The following SNX25 variants were observed in gnomAD, a reference collection of about 807,000 sequenced individuals.
SNX25 encodes sorting nexin-25.
In SNX25, 62 loss-of-function variants were observed where a neutral mutation model predicts 113.7. The ratio of observed to expected loss-of-function variants is 0.55; its 90% CI spans 0.44 to 0.67. SNX25 has a LOEUF of 0.67. SNX25 is among the 30% of genes least tolerant of loss of function. SNX25 has a pLI of 0.00. For missense variants in SNX25, 1,014 were observed against 1,161.0 expected (o/e 0.87, Z 1.84); for synonymous variants, 421 against 436.2 (o/e 0.97, Z 0.43).
chr4:185,301,369 C>T lies in SNX25; in HGVS notation c.1163-9266C>T, dbSNP rs574456101. Among the ~76,000 whole-genome samples, 25 of 152,206 alleles carry T rather than the reference C, an allele frequency of 1.6e-4. No individual in the cohort carries two copies. The Middle Eastern group carries it at 0.01, about 62-fold the overall frequency. ...GCCTTGTGCATCTCTTCATCTGTATCGTTAGTCAGACTTTTTTTTTATTAC... is the reference window on the plus strand; with the variant it reads ...GCCTTGTGCATCTCTTCATCTGTATTGTTAGTCAGACTTTTTTTTTATTAC... On this transcript the variant is annotated intron_variant, in intron 6 of 18. Coordinates refer to ENST00000652585, the MANE Select transcript of SNX25 (RefSeq NM_001378034.2).
intron 1 of SNX25, among the ~76,000 whole-genome samples, chr4:185,236,716 T>C (rs1742703617): frequency 6.6e-6 from 1 of 152,226 alleles, no homozygotes. Flanking sequence ...TTTTAAAAAG[T>C]ATACAGATGA....
intron 5 of SNX25, among the ~76,000 whole-genome samples, chr4:185,268,927 A>T (rs965476200): frequency 6.6e-6 from 1 of 152,182 alleles, no homozygotes; most frequent in Admixed American, 6.5e-5. Flanking sequence ...GTTTACAAGG[A>T]ATTTAATTTT....
intron 3 of SNX25, among the ~76,000 whole-genome samples, chr4:185,263,461 A>G (rs75242204): frequency 0.015 from 2,323 of 152,234 alleles, 65 homozygotes; most frequent in African/African-American, 0.054. Flanking sequence ...ATTTCCTTTC[A>G]TGTTGCTGGC....
chr4:185,263,262 A>G (rs888825474), intron 3 of SNX25, among the ~76,000 whole-genome samples: 5 of 152,096 alleles, frequency 3.3e-5, no homozygotes, highest in Admixed American at 3.3e-4. Flanking sequence ...TCCAGTGCTT[A>G]TTAGCTAAAT....
intron 2 of SNX25, among the ~76,000 whole-genome samples, chr4:185,254,679 T>G (rs1481454998): frequency 6.6e-6 from 1 of 152,220 alleles, no homozygotes; most frequent in Non-Finnish European, 1.5e-5. Context: ...TAAATCCTGT[T>G]TTCAGGTTAA....
intron 1 of SNX25, among the ~76,000 whole-genome samples, chr4:185,239,368 A>T (rs915825369): frequency 6.6e-6 from 1 of 152,128 alleles, no homozygotes; most frequent in Non-Finnish European, 1.5e-5. Context: ...CTGTAGTCCC[A>T]GCTACTCGGG....
chr4:185,371,349 C>G (rs533535802), downstream of SNX25, among the ~76,000 whole-genome samples: 1 of 151,934 alleles, frequency 6.6e-6, no homozygotes, highest in Admixed American at 6.6e-5. Context: ...ACCATCCTGG[C>G]TAACATGGTG....
At chr4:185,370,567 A>C (rs2095411399), downstream of SNX25, 1 of 1,495,642 alleles carries the variant, frequency 6.7e-7, no homozygotes, top group Middle Eastern at 2.1e-4. Context: ...CTAATCCGTA[A>C]AACTATTCAA....
At position 185,363,583 on chromosome 4, in the gene SNX25, C is replaced by G. The variant is rs2095376256; in HGVS notation, c.*118C>G. ...ATTGATTTTTATTTTAGTTACCTCC[C>G]TCTAGTTTTATGTGAAATTAGTAGA... On this transcript the variant is annotated 3_prime_UTR_variant, in exon 19 of 19. Coordinates refer to ENST00000652585, the MANE Select transcript of SNX25 (RefSeq NM_001378034.2). This position sits in a 1 kb window ranked among gnomAD's most constrained non-coding sequence, Gnocchi z 4.2. The G allele has an allele frequency of 2.2e-6, 2 of 902,592 alleles. No homozygotes were observed. The highest frequency in any genetic ancestry group is 1.7e-6 in the Non-Finnish European group (1 of 587,734). 55.9% of individuals were successfully genotyped at this position (902,592 alleles called of 1,614,324 possible).
In SNX25 at chr4:185,362,032, C is replaced by T. The variant is rs368020318; in HGVS notation, c.2760C>T (p.Thr920=). The T allele has an allele frequency of 9.9e-5, 160 of 1,614,004 alleles. 3 individuals are homozygous for T. In the South Asian group the frequency reaches 1.5e-3, roughly 15 times the overall value. Residue 920 remains threonine (T), a synonymous_variant, in exon 17 of 19, where the codon ACC becomes ACT. Coordinates refer to ENST00000652585, the MANE Select transcript of SNX25 (RefSeq NM_001378034.2). Reference sequence around the variant, plus strand: ...CAAATGGGAAGTTGGCACCACCGACCACAATCAGAAGCAAAGAGCAAAGTC... The same window carrying T: ...CAAATGGGAAGTTGGCACCACCGACTACAATCAGAAGCAAAGAGCAAAGTC... ...FWPNGKLAPP[T]TIRSKEQSQE...
intron 16 of SNX25, among the ~76,000 whole-genome samples, chr4:185,361,713 G>C (rs911448398): frequency 1.3e-5 from 2 of 152,154 alleles, no homozygotes; most frequent in African/African-American, 4.8e-5. Flanking sequence ...ACCCCAGCCT[G>C]TGTGAAAAAG....
At chr4:185,326,841 C>T (rs191809135) in intron 9 of SNX25, among the ~76,000 whole-genome samples, 1 of 152,100 alleles carries the variant, frequency 6.6e-6, no homozygotes, top group African/African-American at 2.4e-5. Context: ...CCCTTTTTAA[C>T]CCTTTATAAT....
In SNX25 at chr4:185,363,277, A is replaced by G; in HGVS notation, c.2935-108A>G. Reference sequence around the variant, plus strand: ...GTTTGAGAGTTACTTGTTTACTGAGATAATTTCAGACCTAAAATTAGACTT... The same window carrying G: ...GTTTGAGAGTTACTTGTTTACTGAGGTAATTTCAGACCTAAAATTAGACTT... On this transcript the variant is annotated intron_variant, in intron 18 of 18. Coordinates refer to ENST00000652585, the MANE Select transcript of SNX25 (RefSeq NM_001378034.2). This position sits in a 1 kb window ranked among gnomAD's most constrained non-coding sequence, Gnocchi z 4.2. 1.1e-6 allele frequency: 1 copy of G among 938,148 alleles called. No homozygotes were observed. The highest frequency in any genetic ancestry group is 2.3e-5 in the Admixed American group (1 of 43,966). 58.1% of individuals were successfully genotyped at this position (938,148 alleles called of 1,614,324 possible).
At chr4:185,239,819 G>A (rs1257496232) in intron 1 of SNX25, among the ~76,000 whole-genome samples, 1 of 145,304 alleles carries the variant, frequency 6.9e-6, no homozygotes, top group Non-Finnish European at 1.5e-5. Context: ...TTCTCGCAGA[G>A]GGGGATTTGG....
intron 5 of SNX25, among the ~76,000 whole-genome samples, chr4:185,278,508 AATG>A (rs1412823687): frequency 6.6e-6 from 1 of 152,210 alleles, no homozygotes; most frequent in African/African-American, 2.4e-5. Flanking sequence ...GGAATGAATG[AATG>A]AATGAATGAA....
intron 3 of SNX25, among the ~76,000 whole-genome samples, chr4:185,264,153 C>T (rs1484514489): frequency 2.6e-5 from 4 of 152,128 alleles, no homozygotes; most frequent in Non-Finnish European, 5.9e-5. Context: ...AATAAATACT[C>T]GTACCTTTTT....
chr4:185,233,020 A>T (rs530287992), intron 1 of SNX25, among the ~76,000 whole-genome samples: 3 of 152,318 alleles, frequency 2.0e-5, no homozygotes, highest in African/African-American at 7.2e-5. Flanking sequence ...GTGGTAGCTC[A>T]CACCTGTTAT....
intron 1 of SNX25, among the ~76,000 whole-genome samples, chr4:185,226,369 C>A (rs928716238): frequency 6.6e-6 from 1 of 152,172 alleles, no homozygotes; most frequent in African/African-American, 2.4e-5. Flanking sequence ...CTGGGAGATG[C>A]TTTTAGGTAC....
rs747251614 is a variant in SNX25 at position 185,320,805 on chromosome 4, G to C, written c.1417G>C (p.Asp473His). 167 of 1,606,412 alleles carry C rather than the reference G, an allele frequency of 1.0e-4. No homozygotes were observed. Among genetic ancestry groups the C allele is most frequent in the Non-Finnish European group, 1.3e-4 (155 of 1,176,494 alleles). The change falls in exon 8 of 19, where the codon GAC becomes CAC. Residue 473 changes from aspartate (D) to histidine (H), a missense_variant. Asp to His is a moderately conservative substitution (Grantham distance 81). Coordinates refer to ENST00000652585, the MANE Select transcript of SNX25 (RefSeq NM_001378034.2). ...EHFGMYMERM[D>H]KRALISFWES... The stretch of plus-strand genomic sequence containing the variant: ...CTTTGGAATGTACATGGAAAGGATG[G>C]ACAAAAGAGCTCTGATTAGTTTTTG...
Sources: gnomAD v4.1 joint callset for allele counts (sites outside exome capture counted in the v4.1 genomes callset) on GRCh38, gnomAD v4.1.1 for gene constraint, Gnocchi (gnomAD v3.1) non-coding constraint, MANE v1.5 for transcripts, NCBI Gene and HGNC (gene_info 2026-07-23, HGNC 2026-07-21) for gene names.